PCA3: variants seen among roughly 807,000 people sequenced by gnomAD.
PCA3 encodes the protein Differential Display code 3.
intron 2 of PCA3, among the ~76,000 whole-genome samples, chr9:76,772,699 G>C (rs2053249890): frequency 6.6e-6 from 1 of 152,094 alleles, no homozygotes; most frequent in Non-Finnish European, 1.5e-5. Flanking sequence ...CAGTAGCTGG[G>C]ACTATAGGCA....
At chr9:76,779,887 T>C (rs1168750028) in intron 2 of PCA3, 2 of 152,242 alleles carry the variant, frequency 1.3e-5, no homozygotes, top group Non-Finnish European at 2.9e-5. Context: ...CTTTCCTCTA[T>C]ACAGAGAAAT....
chr9:76,786,113 G>A (rs1407024869), intron 2 of PCA3: 1 of 152,186 alleles, frequency 6.6e-6, no homozygotes, highest in East Asian at 1.9e-4. Context: ...TCAATTCTCA[G>A]CAGAAGCCAG....
intron 2 of PCA3, among the ~76,000 whole-genome samples, chr9:76,774,463 T>TTTTA (rs2053512217): frequency 1.4e-5 from 2 of 141,174 alleles, no homozygotes; most frequent in Admixed American, 7.1e-5. Flanking sequence ...TTTTTTTTTT[T>TTTTA]TTTTTTTTTT....
chr9:76,784,147 G>A (rs1479405977), intron 2 of PCA3: 1 of 152,208 alleles, frequency 6.6e-6, no homozygotes, highest in Non-Finnish European at 1.5e-5. Flanking sequence ...CCGCCATCTT[G>A]GGTCATCGAT....
At chr9:76,769,796 G>A (rs545475313) in intron 2 of PCA3, among the ~76,000 whole-genome samples, 37 of 152,138 alleles carry the variant, frequency 2.4e-4, no homozygotes, top group African/African-American at 8.0e-4. Context: ...AAAAGGGAAC[G>A]TGAACTAAAA....
intron 2 of PCA3, chr9:76,784,272 C>G (rs565080797): frequency 6.6e-6 from 1 of 152,104 alleles, no homozygotes; most frequent in Non-Finnish European, 1.5e-5. Context: ...TTTATTTGAA[C>G]GGGATTACAG....
intron 2 of PCA3, chr9:76,786,579 C>A (rs1457846733): frequency 1.3e-5 from 2 of 152,234 alleles, no homozygotes; most frequent in Non-Finnish European, 2.9e-5. Flanking sequence ...TTTTCTCCAA[C>A]ACATCGCTTA....
chr9:76,764,642 T>C (rs1202957810), intron 2 of PCA3: 3 of 152,302 alleles, frequency 2.0e-5, no homozygotes, highest in East Asian at 3.9e-4. Context: ...GAAGAGGTTT[T>C]GTGTTTCTGT....
chr9:76,774,457 T>TAG (rs756648285), intron 2 of PCA3, among the ~76,000 whole-genome samples: 1 of 73,556 alleles, frequency 1.4e-5, no homozygotes, highest in African/African-American at 5.9e-5. Flanking sequence ...ACCCTTTTTT[T>TAG]TTTTTTTTTT....
chr9:76,776,581 C>T (rs1448646920), intron 2 of PCA3, among the ~76,000 whole-genome samples: 3 of 125,644 alleles, frequency 2.4e-5, no homozygotes, highest in Admixed American at 9.7e-5. Context: ...AGTGCACAAT[C>T]TCGGCTCACT....
At chr9:76,764,812 A>G (rs922849196) in intron 2 of PCA3, among the ~76,000 whole-genome samples, 4 of 152,166 alleles carry the variant, frequency 2.6e-5, no homozygotes, top group Admixed American at 2.6e-4. Context: ...CTTGGCTTCC[A>G]TGATCCTTCT....
At chr9:76,771,860 C>G (rs576604777) in intron 2 of PCA3, among the ~76,000 whole-genome samples, 1 of 152,056 alleles carries the variant, frequency 6.6e-6, no homozygotes, top group Non-Finnish European at 1.5e-5. Context: ...GCAGACCACA[C>G]CCTAAGTGAG....
intron 2 of PCA3, among the ~76,000 whole-genome samples, chr9:76,777,922 G>T (rs555544149): frequency 4.6e-5 from 7 of 152,158 alleles, no homozygotes; most frequent in Non-Finnish European, 8.8e-5. Context: ...AGTCCCTGAG[G>T]CAAAAGCATG....
chr9:76,784,239 GA>G (rs898543021), intron 2 of PCA3: 2 of 152,182 alleles, frequency 1.3e-5, no homozygotes, highest in African/African-American at 4.8e-5. Flanking sequence ...GGATGGGCAG[GA>G]AAACAGATCC....
At chr9:76,782,791 T>C (rs1231460797) in intron 2 of PCA3, 1 of 152,206 alleles carries the variant, frequency 6.6e-6, no homozygotes, top group East Asian at 1.9e-4. Context: ...TTCTGAGTAC[T>C]CAGTGCAGCA....
chr9:76,780,915 G>T (rs552768815), intron 2 of PCA3, among the ~76,000 whole-genome samples: 2 of 152,046 alleles, frequency 1.3e-5, no homozygotes, highest in African/African-American at 2.4e-5. Flanking sequence ...CCTCATCCCC[G>T]TGTGTTTCCC....
chr9:76,769,058 T>G (rs2052783711), intron 2 of PCA3, among the ~76,000 whole-genome samples: 2 of 152,300 alleles, frequency 1.3e-5, no homozygotes, highest in Non-Finnish European at 2.9e-5. Flanking sequence ...ATTATGGTAC[T>G]CATATGCAGA....
At chr9:76,768,799 C>G (rs2052751972) in intron 2 of PCA3, among the ~76,000 whole-genome samples, 1 of 152,108 alleles carries the variant, frequency 6.6e-6, no homozygotes, top group Admixed American at 6.5e-5. Context: ...AATCACTGGA[C>G]ATTTGCATGG....
At chr9:76,784,677 T>G (rs1169928431) in intron 2 of PCA3, 2 of 152,270 alleles carry the variant, frequency 1.3e-5, no homozygotes, top group East Asian at 3.8e-4. Flanking sequence ...TGCTGCCTAA[T>G]ATGTAGCTGA....
Sources: allele counts gnomAD v4.1 joint callset (sites outside exome capture counted in the v4.1 genomes callset), GRCh38; gene constraint gnomAD v4.1.1; transcripts MANE v1.5; gene names NCBI Gene and HGNC (gene_info 2026-07-23, HGNC 2026-07-21).